The following ARRB1 variants were observed in gnomAD, a reference collection of about 807,000 sequenced individuals.
The protein encoded by ARRB1 is beta-arrestin-1.
ARRB1 carries 21 observed loss-of-function variants against 56.8 expected under a neutral mutation model. The ratio of observed to expected loss-of-function variants is 0.37; its 90% CI spans 0.26 to 0.53. The LOEUF (loss-of-function observed/expected upper bound fraction) is 0.53, where lower values mean the gene tolerates loss of function less well. Ranked by LOEUF, ARRB1 falls within the 20% of genes least tolerant of loss-of-function variation. The probability of loss-of-function intolerance (pLI) is 0.88; values close to 1 mark genes in which losing one functional copy is unlikely to be tolerated. For synonymous variants in ARRB1, 210 were observed against 218.6 expected, an observed-to-expected ratio of 0.96 and a Z score of 0.35; for missense variants, 424 against 553.7, an observed-to-expected ratio of 0.77 and a Z score of 2.35.
Position 75,262,679 on chromosome 11 carries a change from A to G in ARRB1, c.*3484T>C, listed in dbSNP as rs1014346023. ...TGCGTCAGGCAGGGAAGGGATTACA[A>G]TCCCATTTTACAGTTAGGGAAATTG... On this transcript the variant is annotated 3_prime_UTR_variant, in exon 16 of 16. Transcript: ENST00000420843. 6.6e-6 allele frequency among the ~76,000 whole-genome samples: 1 copy of G among 152,154 alleles called. No homozygotes were observed. Among genetic ancestry groups the G allele is most frequent in the Non-Finnish European group, 1.5e-5 (1 of 68,024 alleles).
At chr11:75,286,638 G>A (rs1457766510) in intron 3 of ARRB1, among the ~76,000 whole-genome samples, 1 of 152,068 alleles carries the variant, frequency 6.6e-6, no homozygotes, top group Non-Finnish European at 1.5e-5. Flanking sequence ...CCAGGGATGT[G>A]GCTATCCAGC....
Position 75,266,056 on chromosome 11 carries a change from A to C in ARRB1, c.*107T>G. 2.9e-6 allele frequency: 3 copies of C among 1,023,010 alleles called. No homozygotes were observed. The highest frequency in any genetic ancestry group is 4.5e-6 in the Non-Finnish European group (3 of 673,908). The allele number at this position is 1,023,010 out of a possible 1,614,324, so 63.4% of individuals were successfully genotyped here. ...GGAAGCCCACGGGGCCCCCTGGTAG[A>C]AACTGGAAGAACAAAGGGGAAAAGA... On this transcript the variant is annotated 3_prime_UTR_variant, in exon 16 of 16. Transcript: ENST00000420843.
chr11:75,276,460 G>C (rs1298722665), intron 10 of ARRB1, among the ~76,000 whole-genome samples: 1 of 152,172 alleles, frequency 6.6e-6, no homozygotes, highest in Non-Finnish European at 1.5e-5. Flanking sequence ...GACAAGAGCT[G>C]TGTACCTAGT....
intron 13 of ARRB1, 158 bp downstream of exon 13, chr11:75,271,543 G>T: frequency 1.3e-6 from 1 of 751,808 alleles, no homozygotes; most frequent in Non-Finnish European, 2.1e-6. Flanking sequence ...GGTTTGTTAA[G>T]GAGAAATTGT....
chr11:75,261,991 C>T lies in ARRB1; in HGVS notation c.*4172G>A, dbSNP rs1945802156. 6.6e-6 allele frequency: 1 copy of T among 152,186 alleles called. No individual in the cohort carries two copies. Among genetic ancestry groups the T allele is most frequent in the African/African-American group, 2.4e-5 (1 of 41,432 alleles). The allele number at this position is 152,186 out of a possible 1,614,324, so 9.4% of individuals were successfully genotyped here. A position where few individuals can be genotyped will look rare whatever the true frequency, so the allele number is the denominator to read the frequency against. On this transcript the variant is annotated 3_prime_UTR_variant, in exon 16 of 16. Coordinates refer to ENST00000420843, the MANE Select transcript of ARRB1 (RefSeq NM_004041.5). ...GACAGGCAGGAGAGAAGCTGCCGCT[C>T]TGGGATGCTGACGCCACTGCATCCG... is the stretch of plus-strand genomic sequence containing the variant.
intron 1 of ARRB1, among the ~76,000 whole-genome samples, chr11:75,315,164 C>T (rs141296694): frequency 4.6e-5 from 7 of 152,284 alleles, no homozygotes; most frequent in Admixed American, 1.3e-4. Context: ...CAGACTTTCT[C>T]GTACCAGAAG....
intron 1 of ARRB1, among the ~76,000 whole-genome samples, chr11:75,350,794 C>CG (rs1021060618): frequency 5.3e-5 from 8 of 152,072 alleles, no homozygotes; most frequent in Non-Finnish European, 1.2e-4. Flanking sequence ...CTGGGGGTGG[C>CG]GGGGGGCGCT....
chr11:75,283,545 T>G (rs1471843929), intron 4 of ARRB1, 62 bp from the exon 5 acceptor site: 14 of 1,481,572 alleles, frequency 9.4e-6, no homozygotes, highest in Non-Finnish European at 1.3e-5. Flanking sequence ...CCCCCCAGAG[T>G]GCCGGCAGCA....
At chr11:75,289,886 A>G (rs1026094660) in intron 2 of ARRB1, 123 bp downstream of exon 2, 2 of 1,412,952 alleles carry the variant, frequency 1.4e-6, no homozygotes, top group Non-Finnish European at 2.0e-6. Context: ...GACGGGGAGC[A>G]GCACCTGCCC....
In ARRB1 at chr11:75,341,725, G is replaced by C. The variant is rs565276284; in HGVS notation, c.20+9863C>G. ...GACACTGCCCAGCCCTGGGGAGGGAGCCCTCGGCCTTAAAGAGTCCCTCGC... is the reference window on the plus strand; with the variant it reads ...GACACTGCCCAGCCCTGGGGAGGGACCCCTCGGCCTTAAAGAGTCCCTCGC... On this transcript the variant is annotated intron_variant, in intron 1 of 15. Transcript: ENST00000420843. Among the ~76,000 whole-genome samples, 3 of 152,310 alleles carry C rather than the reference G, an allele frequency of 2.0e-5. No homozygotes were observed. In the South Asian group the frequency reaches 6.2e-4, roughly 32 times the overall value.
intron 1 of ARRB1, among the ~76,000 whole-genome samples, chr11:75,290,863 C>T (rs998067583): frequency 4.6e-5 from 7 of 152,178 alleles, no homozygotes; most frequent in African/African-American, 1.4e-4. Context: ...CCTCGACTTC[C>T]CAAAGTGCTG....
rs1409036486 is a variant in ARRB1, at chr11:75,268,903, G to A, written c.1079C>T (p.Pro360Leu). The change falls in exon 14 of 16, where the codon CCC becomes CTC. Residue 360 changes from proline (P) to leucine (L), a missense_variant. Physicochemically the swap from Pro to Leu is moderately conservative, Grantham distance 98. Around this residue, in one of 3 missense-constraint regions of ARRB1, gnomAD observed 121 missense variants for 147.3 expected, o/e 0.82. Coordinates refer to ENST00000420843, the MANE Select transcript of ARRB1 (RefSeq NM_004041.5). ...TLMHPKPKEE[P>L]PHREVPENET... ...ATTCTGCTCACCTTCCCGATGCGGG[G>A]GTTCCTCTTTGGGCTTGGGGTGCAT... 6.2e-7 allele frequency: 1 copy of A among 1,609,602 alleles called. No homozygotes were observed. Among genetic ancestry groups the A allele is most frequent in the Admixed American group, 1.7e-5 (1 of 58,290 alleles).
intron 10 of ARRB1, chr11:75,274,907 C>T (rs1390383207): frequency 1.3e-5 from 2 of 153,012 alleles, no homozygotes; most frequent in Admixed American, 1.3e-4. Context: ...TGAGACCAGC[C>T]TGGGCAACAT....
At chr11:75,307,570 C>T (rs1239223678) in intron 1 of ARRB1, among the ~76,000 whole-genome samples, 2 of 152,176 alleles carry the variant, frequency 1.3e-5, no homozygotes, top group Non-Finnish European at 2.9e-5. Context: ...GCCATGCCTC[C>T]TCCATCACAC....
chr11:75,293,364 T>A (rs1487694267), intron 1 of ARRB1, among the ~76,000 whole-genome samples: 1 of 152,190 alleles, frequency 6.6e-6, no homozygotes, highest in African/African-American at 2.4e-5. Context: ...TCCTTTCCAC[T>A]CTGTGACACT....
rs777940901 is a variant in ARRB1 at position 75,327,301 on chromosome 11, C to CAAA, written c.20+24284_20+24286dup. Among the ~76,000 whole-genome samples, 356 of 59,508 alleles carry CAAA rather than the reference C, an allele frequency of 6.0e-3. 9 individuals carry two copies. Among genetic ancestry groups the CAAA allele is most frequent in the African/African-American group, 0.019 (285 of 15,054 alleles). The allele number at this position is 59,508 out of a possible 152,430, so 39.0% of individuals were successfully genotyped here. A position where few individuals can be genotyped will look rare whatever the true frequency, so the allele number is the denominator to read the frequency against. On this transcript the variant is annotated intron_variant, in intron 1 of 15. Transcript: ENST00000420843. ...TGGGTGACAGAGCGAAACTCCATCTCAAAAAAAAAAAAAAAAAAAAAAGAA... is the reference window on the plus strand; with the variant it reads ...TGGGTGACAGAGCGAAACTCCATCTCAAAAAAAAAAAAAAAAAAAAAAAAAGAA...
chr11:75,296,764 A>T (rs747570657), intron 1 of ARRB1, among the ~76,000 whole-genome samples: 8 of 151,814 alleles, frequency 5.3e-5, no homozygotes, highest in Non-Finnish European at 7.4e-5. Flanking sequence ...TGCAACCTCC[A>T]TCTCCCAGGC....
chr11:75,337,343 A>G (rs1947621034), intron 1 of ARRB1, among the ~76,000 whole-genome samples: 1 of 152,218 alleles, frequency 6.6e-6, no homozygotes, highest in South Asian at 2.1e-4. Context: ...TCCAGTCTGG[A>G]TGACACAGCA....
intron 1 of ARRB1, among the ~76,000 whole-genome samples, chr11:75,334,306 CA>C (rs11403871): frequency 1.5e-4 from 17 of 109,720 alleles, no homozygotes; most frequent in South Asian, 3.4e-4. Flanking sequence ...CCGTCTCAAA[CA>C]AAAAAAAAAA....
Sources: gnomAD v4.1 joint callset for allele counts (sites outside exome capture counted in the v4.1 genomes callset) on GRCh38, gnomAD v4.1.1 for gene constraint, gnomAD v4.1.1 regional missense constraint, MANE v1.5 for transcripts, NCBI Gene and HGNC (gene_info 2026-07-23, HGNC 2026-07-21) for gene names.